Variants in FGFR1OP2 observed in about 807,000 individuals in gnomAD.
The protein encoded by FGFR1OP2 is fibroblast growth factor receptor 1 oncogene partner 2.
In FGFR1OP2, 17 loss-of-function variants were observed where a neutral mutation model predicts 35.2. That is an observed-to-expected ratio of 0.48 (90% CI 0.33 to 0.73). The LOEUF (loss-of-function observed/expected upper bound fraction) is 0.73. Among genes scored for constraint, FGFR1OP2 ranks in the 30% least tolerant of loss-of-function variants. FGFR1OP2 has a pLI of 0.02. For missense variants in FGFR1OP2, 251 were observed against 307.3 expected, an observed-to-expected ratio of 0.82 and a Z score of 1.37; for synonymous variants, 105 against 104.6, an observed-to-expected ratio of 1.00 and a Z score of -0.03.
intron 5 of FGFR1OP2, 93 bp from the exon 6 acceptor site, chr12:26,963,249 A>G (rs1317539233): frequency 4.5e-6 from 3 of 660,924 alleles, no homozygotes; most frequent in Non-Finnish European, 7.9e-6. Flanking sequence ...AAGAATATTC[A>G]TGTTAAGTGG....
chr12:26,939,020 CG>C (rs1938647987), intron 1 of FGFR1OP2, among the ~76,000 whole-genome samples: 1 of 152,194 alleles, frequency 6.6e-6, no homozygotes, highest in African/African-American at 2.4e-5. Flanking sequence ...CACCACCGGA[CG>C]GGGGACCCTT....
chr12:26,945,964 T>G (rs551448965), intron 1 of FGFR1OP2, among the ~76,000 whole-genome samples: 1 of 152,328 alleles, frequency 6.6e-6, no homozygotes, highest in African/African-American at 2.4e-5. Flanking sequence ...ATGAATATCT[T>G]GAGCACTTAA....
chr12:26,957,517 C>A, intron 3 of FGFR1OP2, 84 bp from the exon 4 acceptor site: 1 of 1,188,526 alleles, frequency 8.4e-7, no homozygotes, highest in African/African-American at 1.6e-5. Flanking sequence ...TTAAAATGTC[C>A]CGTTCATAAG....
chr12:26,945,853 C>A (rs1313629984), intron 1 of FGFR1OP2, among the ~76,000 whole-genome samples: 1 of 144,798 alleles, frequency 6.9e-6, no homozygotes. Flanking sequence ...AAGAGTGAAA[C>A]TCCGTCTCAA....
At chr12:26,944,774 TA>T (rs1287138652) in intron 1 of FGFR1OP2, among the ~76,000 whole-genome samples, 1 of 152,230 alleles carries the variant, frequency 6.6e-6, no homozygotes, top group Non-Finnish European at 1.5e-5. Flanking sequence ...AGAGATTGTA[TA>T]ATAATTGGTG....
chr12:26,939,523 C>G (rs1030982239), intron 1 of FGFR1OP2, among the ~76,000 whole-genome samples: 2 of 152,196 alleles, frequency 1.3e-5, no homozygotes, highest in African/African-American at 4.8e-5. Flanking sequence ...ATGCCATGCG[C>G]TTTGACAGCT....
intron 1 of FGFR1OP2, among the ~76,000 whole-genome samples, chr12:26,947,164 GT>G (rs1219020765): frequency 6.6e-6 from 1 of 152,168 alleles, no homozygotes; most frequent in African/African-American, 2.4e-5. Context: ...GAGTGGAATT[GT>G]TGGATCACAT....
At position 26,966,456 on chromosome 12, in the gene FGFR1OP2, T is replaced by C. The variant is rs896723343; in HGVS notation, c.*1723T>C. On this transcript the variant is annotated 3_prime_UTR_variant, in exon 7 of 7. Transcript: ENST00000229395. ...TTGTAAACAAGTTGGGTTAACTTATTCTTCGTCTTTTTGCTTGGATATGAA... is the reference window on the plus strand; with the variant it reads ...TTGTAAACAAGTTGGGTTAACTTATCCTTCGTCTTTTTGCTTGGATATGAA... 6.6e-6 allele frequency: 1 copy of C among 152,102 alleles called. No individual in the cohort carries two copies. The highest frequency in any genetic ancestry group is 2.4e-5 in the African/African-American group (1 of 41,452). 9.4% of individuals were successfully genotyped at this position (152,102 alleles called of 1,614,324 possible).
chr12:26,956,660 G>T lies in FGFR1OP2; in HGVS notation c.253G>T (p.Glu85Ter). The stretch of plus-strand genomic sequence containing the variant: ...CAGAGAGTTGCAACAAGAAAACAAA[G>T]GTAAGATACGTTACTTTTTGACATT... ...QIRELQQENK[E>*]LRTSLEEHQS... The change falls in exon 3 of 7, where the codon GAA becomes TAA. Residue 85 changes from glutamate (E) to a stop codon, truncating the protein, a stop_gained and splice_region_variant. Coordinates refer to ENST00000229395, the MANE Select transcript of FGFR1OP2 (RefSeq NM_015633.3). LOFTEE classifies it high-confidence loss of function. The T allele has an allele frequency of 6.5e-7, 1 of 1,550,362 alleles. No homozygotes were observed.
rs748569937 is a variant in FGFR1OP2 at position 26,965,558 on chromosome 12, A to C, written c.*825A>C. ...GTAGTTCATTTAGTTAACAGAATTG[A>C]AATGTTTGATATGGCAAGATAGGTA... On this transcript the variant is annotated 3_prime_UTR_variant, in exon 7 of 7. Coordinates refer to ENST00000229395, the MANE Select transcript of FGFR1OP2 (RefSeq NM_015633.3). 5 of 152,412 alleles carry C rather than the reference A, an allele frequency of 3.3e-5. No individual in the cohort carries two copies. Among genetic ancestry groups the C allele is most frequent in the Admixed American group, 6.6e-5 (1 of 15,266 alleles). 9.4% of individuals were successfully genotyped at this position (152,412 alleles called of 1,614,324 possible).
intron 4 of FGFR1OP2, 61 bp downstream of exon 4, chr12:26,957,804 T>G (rs1052109690): frequency 1.4e-6 from 2 of 1,434,496 alleles, no homozygotes; most frequent in Middle Eastern, 1.9e-4. Flanking sequence ...TATTCTGTGT[T>G]CAGATTTTTT....
chr12:26,954,470 A>G (rs1434869321), intron 2 of FGFR1OP2, among the ~76,000 whole-genome samples, 177 bp downstream of exon 2: 2 of 152,224 alleles, frequency 1.3e-5, no homozygotes, highest in Admixed American at 6.5e-5. Flanking sequence ...ACCTAGACAT[A>G]TATTTCTAAA....
chr12:26,945,967 G>T (rs7979884), intron 1 of FGFR1OP2, among the ~76,000 whole-genome samples: 11,677 of 152,032 alleles, frequency 0.077, 548 homozygotes, highest in East Asian at 0.13. Context: ...AATATCTTGA[G>T]CACTTAAAAA....
At position 26,945,824 on chromosome 12, in the gene FGFR1OP2, G is replaced by A. The variant is rs189484703; in HGVS notation, c.-15+7114G>A. Among the ~76,000 whole-genome samples the A allele has an allele frequency of 8.9e-5, 13 of 146,602 alleles. No individual in the cohort carries two copies. The East Asian group carries it at 1.2e-3, about 14-fold the overall frequency. Reference sequence around the variant, plus strand: ...TGCAGTGAGCCGAGAATGTGCCATCGCACTCCAGCCTGGGCAACAAGAGTG... The same window carrying A: ...TGCAGTGAGCCGAGAATGTGCCATCACACTCCAGCCTGGGCAACAAGAGTG... On this transcript the variant is annotated intron_variant, in intron 1 of 6. Coordinates refer to ENST00000229395, the MANE Select transcript of FGFR1OP2 (RefSeq NM_015633.3).
intron 4 of FGFR1OP2, 61 bp from the exon 5 acceptor site, chr12:26,960,454 C>A: frequency 8.2e-7 from 1 of 1,214,464 alleles, no homozygotes; most frequent in Non-Finnish European, 1.2e-6. Context: ...AACTAACACT[C>A]ATTCAGTTTT....
intron 1 of FGFR1OP2, among the ~76,000 whole-genome samples, chr12:26,946,348 T>G (rs1274866992): frequency 6.6e-6 from 1 of 152,248 alleles, no homozygotes; most frequent in African/African-American, 2.4e-5. Context: ...TCTCACTTTG[T>G]TGCCCAGGCT....
intron 1 of FGFR1OP2, among the ~76,000 whole-genome samples, chr12:26,949,336 A>C (rs890845274): frequency 2.6e-5 from 4 of 152,028 alleles, no homozygotes; most frequent in Admixed American, 6.6e-5. Context: ...GGGTTTCATC[A>C]TGTTAGGCTG....
rs1364435436 is a variant in FGFR1OP2, at chr12:26,942,882, G to C, written c.-15+4172G>C. 2.6e-5 allele frequency among the ~76,000 whole-genome samples: 4 copies of C among 152,052 alleles called. No homozygotes were observed. The East Asian group carries it at 7.7e-4, about 29-fold the overall frequency. Reference sequence around the variant, plus strand: ...AAGTGATTTGAAATATTTTCTCCCAGCCTGTAGCTTGTCTTTTCAAACTCT... The same window carrying C: ...AAGTGATTTGAAATATTTTCTCCCACCCTGTAGCTTGTCTTTTCAAACTCT... On this transcript the variant is annotated intron_variant, in intron 1 of 6. Coordinates refer to ENST00000229395, the MANE Select transcript of FGFR1OP2 (RefSeq NM_015633.3).
At chr12:26,961,813 T>C (rs1229291601) in intron 5 of FGFR1OP2, 1 of 152,202 alleles carries the variant, frequency 6.6e-6, no homozygotes, top group African/African-American at 2.4e-5. Context: ...AAATCATAAA[T>C]TGAGGATGCT....
Sources: allele counts gnomAD v4.1 joint callset (sites outside exome capture counted in the v4.1 genomes callset), GRCh38; gene constraint gnomAD v4.1.1; transcripts MANE v1.5; gene names NCBI Gene and HGNC (gene_info 2026-07-23, HGNC 2026-07-21).